PCYT1B: variants seen among roughly 807,000 people sequenced by gnomAD.
The protein encoded by PCYT1B is phosphate cytidylyltransferase 1B, choline.
A neutral mutation model predicts 26.4 loss-of-function variants in PCYT1B; 10 were observed. The ratio of observed to expected loss-of-function variants is 0.38; its 90% CI spans 0.23 to 0.64. PCYT1B has a LOEUF of 0.64. PCYT1B is among the 30% of genes least tolerant of loss of function. The pLI, the probability that PCYT1B is intolerant of heterozygous loss-of-function variation, is 0.56. For missense variants in PCYT1B, 161 were observed against 292.7 expected (o/e 0.55, Z 3.28); for synonymous variants, 131 against 108.4 (o/e 1.21, Z -1.29).
chrX:24,597,218 G>A (rs1318976901), intron 3 of PCYT1B, among the ~76,000 whole-genome samples: 4 of 108,249 alleles, frequency 3.7e-5, no homozygotes, highest in African/African-American at 1.4e-4. Flanking sequence ...TCCGCCTCCT[G>A]GGTTCAAGCA....
intron 2 of PCYT1B, among the ~76,000 whole-genome samples, chrX:24,616,425 G>C (rs770095963): frequency 4.6e-5 from 5 of 109,521 alleles, no homozygotes; most frequent in Non-Finnish European, 9.5e-5. Context: ...TTTTAGTAGA[G>C]ACAAGGTTTC....
chrX:24,644,394 G>A (rs1415293528), intron 1 of PCYT1B, among the ~76,000 whole-genome samples: 1 of 108,903 alleles, frequency 9.2e-6, no homozygotes, highest in African/African-American at 3.4e-5. Flanking sequence ...ATCAAAGCAG[G>A]TGCTTCAACA....
At chrX:24,630,167 C>G (rs1421130849) in intron 1 of PCYT1B, among the ~76,000 whole-genome samples, 1 of 112,044 alleles carries the variant, frequency 8.9e-6, no homozygotes, top group African/African-American at 3.2e-5. Context: ...AATGTTATAT[C>G]ATATTCATAT....
intron 1 of PCYT1B, among the ~76,000 whole-genome samples, chrX:24,624,229 A>G (rs990524903): frequency 9.0e-6 from 1 of 111,334 alleles, no homozygotes; most frequent in Non-Finnish European, 1.9e-5. Flanking sequence ...TTGGCCTCCC[A>G]AAGTGCTGGG....
At chrX:24,620,639 T>C (rs930420571) in intron 1 of PCYT1B, among the ~76,000 whole-genome samples, 1 of 112,368 alleles carries the variant, frequency 8.9e-6, no homozygotes, top group Non-Finnish European at 1.9e-5. Context: ...CTCCAGCACT[T>C]ACTAGCCATG....
At chrX:24,643,954 A>G (rs1040776175) in intron 1 of PCYT1B, among the ~76,000 whole-genome samples, 1 of 112,079 alleles carries the variant, frequency 8.9e-6, no homozygotes, top group African/African-American at 3.2e-5. Context: ...GGTGTCAGTG[A>G]CCCACATACA....
At chrX:24,571,500 T>TATCATCATCATCATCATCATC (rs59226167) in intron 7 of PCYT1B, among the ~76,000 whole-genome samples, 1 of 105,368 alleles carries the variant, frequency 9.5e-6, no homozygotes, top group African/African-American at 3.5e-5. Flanking sequence ...TCTTATTTAC[T>TATCATCATCATCATCATCATC]ATCATCATCA....
chrX:24,651,674 A>C (rs1278316957), upstream of PCYT1B, among the ~76,000 whole-genome samples: 1 of 103,679 alleles, frequency 9.6e-6, no homozygotes, highest in Non-Finnish European at 2.0e-5. Context: ...CAGGACACGC[A>C]ACCACGCCTG....
At chrX:24,667,727 A>G (rs1927157540) in intron 1 of PCYT1B, among the ~76,000 whole-genome samples, 1 of 110,842 alleles carries the variant, frequency 9.0e-6, no homozygotes, top group South Asian at 3.8e-4. Flanking sequence ...AAAAAAAAAA[A>G]GGTAAAAATA....
upstream of PCYT1B, among the ~76,000 whole-genome samples, chrX:24,648,449 ATTTTTTTTTTTT>A (rs57744798): frequency 7.6e-5 from 3 of 39,723 alleles, no homozygotes; most frequent in South Asian, 2.2e-3. Flanking sequence ...ATTTGAAGGA[ATTTTTTTTTTTT>A]TTTTTTTTTT....
At chrX:24,587,764 T>C (rs1233347457) in intron 4 of PCYT1B, among the ~76,000 whole-genome samples, 1 of 112,704 alleles carries the variant, frequency 8.9e-6, no homozygotes, top group East Asian at 2.8e-4. Context: ...GTCTCTTTCC[T>C]CATTCGATCC....
chrX:24,621,037 A>G (rs1163800988), intron 1 of PCYT1B, among the ~76,000 whole-genome samples: 1 of 111,853 alleles, frequency 8.9e-6, no homozygotes, highest in Non-Finnish European at 1.9e-5. Context: ...GACTCTTTCC[A>G]TGTTTCCCAA....
chrX:24,623,400 A>ATAT (rs1925768231), intron 1 of PCYT1B, among the ~76,000 whole-genome samples: 2 of 59,029 alleles, frequency 3.4e-5, no homozygotes, highest in African/African-American at 5.9e-5. Flanking sequence ...TATATATATA[A>ATAT]CTTTAAATTC....
intron 6 of PCYT1B, among the ~76,000 whole-genome samples, chrX:24,577,190 A>G (rs1300682082): frequency 1.8e-5 from 2 of 111,058 alleles, no homozygotes; most frequent in African/African-American, 6.6e-5. Flanking sequence ...ACTGACTGGC[A>G]TCAGGTCCCT....
intron 1 of PCYT1B, among the ~76,000 whole-genome samples, chrX:24,635,042 A>G (rs1376039098): frequency 8.9e-6 from 1 of 112,360 alleles, no homozygotes; most frequent in Non-Finnish European, 1.9e-5. Flanking sequence ...AGTTATTGTA[A>G]TTAACATATT....
chrX:24,629,586 A>AAAAC lies in PCYT1B; in HGVS notation c.118-10503_118-10502insGTTT, dbSNP rs1325251242. Among the ~76,000 whole-genome samples, 9 of 99,460 alleles carry AAAAC rather than the reference A, an allele frequency of 9.0e-5. 1 individual carries two copies. Among genetic ancestry groups the AAAAC allele is most frequent in the Non-Finnish European group, 1.4e-4 (7 of 48,917 alleles). The allele number at this position is 99,460 out of a possible 115,157, so 86.4% of individuals were successfully genotyped here. On this transcript the variant is annotated intron_variant, in intron 1 of 7. Coordinates refer to ENST00000379144, the MANE Select transcript of PCYT1B (RefSeq NM_004845.5). ...AAAAAAAAAAAAAAAAAAAAAAAAAAAAAACAACACGTATTTTCCAACTTT... is the reference window on the plus strand; with the variant it reads ...AAAAAAAAAAAAAAAAAAAAAAAAAAAAACAAAACAACACGTATTTTCCAACTTT...
upstream of PCYT1B, among the ~76,000 whole-genome samples, chrX:24,650,470 C>T (rs1207652): frequency 1.3e-3 from 141 of 110,079 alleles, no homozygotes; most frequent in Non-Finnish European, 2.3e-3. Context: ...CAGGTGTATG[C>T]CACCACTCCT....
chrX:24,570,100 T>C (rs1342385206), intron 7 of PCYT1B, among the ~76,000 whole-genome samples: 2 of 99,641 alleles, frequency 2.0e-5, no homozygotes, highest in African/African-American at 3.7e-5. Context: ...GACAGGAGAA[T>C]CGGTTGAACC....
At chrX:24,664,180 G>A (rs1165383558) in intron 1 of PCYT1B, among the ~76,000 whole-genome samples, 1 of 110,960 alleles carries the variant, frequency 9.0e-6, no homozygotes, top group Non-Finnish European at 1.9e-5. Context: ...GCACAGGACA[G>A]CCCCTACAAC....
Sources: gnomAD v4.1 joint callset for allele counts (sites outside exome capture counted in the v4.1 genomes callset) on GRCh38, gnomAD v4.1.1 for gene constraint, MANE v1.5 for transcripts, NCBI Gene and HGNC (gene_info 2026-07-23, HGNC 2026-07-21) for gene names.